The following TRAPPC12 variants were observed in gnomAD, a reference collection of about 807,000 sequenced individuals.
TRAPPC12 encodes the protein trafficking protein particle complex subunit 12.
A neutral mutation model predicts 69.2 loss-of-function variants in TRAPPC12; 61 were observed. The observed-to-expected ratio is 0.88, with a 90% CI of 0.72 to 1.09. The LOEUF (loss-of-function observed/expected upper bound fraction) is 1.09, where lower values mean the gene tolerates loss of function less well. Among genes scored for constraint, TRAPPC12 ranks in the 50% least tolerant of loss-of-function variants. The probability of loss-of-function intolerance (pLI) is 0.00; values close to 1 mark genes in which losing one functional copy is unlikely to be tolerated. For missense variants in TRAPPC12, 1,101 were observed against 1,016.4 expected (o/e 1.08, Z -1.13); for synonymous variants, 469 against 438.9 (o/e 1.07, Z -0.86).
intron 8 of TRAPPC12, among the ~76,000 whole-genome samples, chr2:3,464,720 TC>T (rs147198359): frequency 0.01 from 1,581 of 152,318 alleles, 31 homozygotes; most frequent in East Asian, 0.068. Flanking sequence ...TACCACTGTG[TC>T]CCACGTGACT....
chr2:3,387,096 C>T (rs1660528259), intron 1 of TRAPPC12, among the ~76,000 whole-genome samples: 1 of 152,202 alleles, frequency 6.6e-6, no homozygotes, highest in Non-Finnish European at 1.5e-5. Context: ...ATTGCAGCAG[C>T]ATCCACAATA....
intron 6 of TRAPPC12, chr2:3,454,902 C>A (rs565305656): frequency 6.6e-6 from 1 of 152,548 alleles, no homozygotes; most frequent in African/African-American, 2.4e-5. Context: ...GGAGAGATCG[C>A]CCATGGCATG....
intron 6 of TRAPPC12, among the ~76,000 whole-genome samples, chr2:3,445,791 TC>T (rs1664477995): frequency 6.6e-6 from 1 of 152,252 alleles, no homozygotes; most frequent in Admixed American, 6.5e-5. Context: ...GAGAGTCCTC[TC>T]TTCCACCCTG....
chr2:3,387,337 C>T (rs6721607), intron 1 of TRAPPC12, among the ~76,000 whole-genome samples: 7,961 of 151,648 alleles, frequency 0.052, 723 homozygotes, highest in African/African-American at 0.18. Context: ...ATGCTCTAGG[C>T]GGGGGAGATG....
Position 3,400,044 on chromosome 2 carries a change from T to C in TRAPPC12, c.1048-1733T>C, listed in dbSNP as rs1331485375. Among the ~76,000 whole-genome samples the C allele has an allele frequency of 3.9e-5, 6 of 152,212 alleles. No individual in the cohort carries two copies. The East Asian group carries it at 1.2e-3, about 29-fold the overall frequency. On this transcript the variant is annotated intron_variant, in intron 2 of 11. Transcript: ENST00000324266. Reference sequence around the variant, plus strand: ...TCCACCCCCCATCTTGGGGTTGTCCTAGTTTGAGTCTTTCTTCTGCTCACC... The same window carrying C: ...TCCACCCCCCATCTTGGGGTTGTCCCAGTTTGAGTCTTTCTTCTGCTCACC...
chr2:3,469,878 T>A (rs1053904878), intron 9 of TRAPPC12, among the ~76,000 whole-genome samples: 3 of 152,194 alleles, frequency 2.0e-5, no homozygotes, highest in Admixed American at 1.3e-4. Flanking sequence ...ACATCTGAAG[T>A]CATGTAACAC....
At chr2:3,388,726 TACGCACAG>T (rs1660652797) in intron 2 of TRAPPC12, 56 bp downstream of exon 2, 1 of 1,438,236 alleles carries the variant, frequency 7.0e-7, no homozygotes, top group South Asian at 1.4e-5. Flanking sequence ...GTCTGTGAGA[TACGCACAG>T]TGCCCCTTTA....
intron 3 of TRAPPC12, among the ~76,000 whole-genome samples, chr2:3,403,029 C>A (rs555562380): frequency 6.6e-6 from 1 of 152,130 alleles, no homozygotes; most frequent in African/African-American, 2.4e-5. Context: ...TGTTGAAATG[C>A]GCCCTTATCC....
chr2:3,383,098 C>G (rs1464861002), intron 1 of TRAPPC12, among the ~76,000 whole-genome samples: 1 of 151,848 alleles, frequency 6.6e-6, no homozygotes, highest in Non-Finnish European at 1.5e-5. Flanking sequence ...AAAGGTATAC[C>G]TCTTTCAGCT....
chr2:3,458,819 A>G (rs1665322800), intron 7 of TRAPPC12, among the ~76,000 whole-genome samples: 1 of 152,206 alleles, frequency 6.6e-6, no homozygotes, highest in African/African-American at 2.4e-5. Flanking sequence ...AGCATTTATA[A>G]GGAGGGTAGG....
At chr2:3,406,643 G>C (rs967796554) in intron 3 of TRAPPC12, among the ~76,000 whole-genome samples, 1 of 152,170 alleles carries the variant, frequency 6.6e-6, no homozygotes, top group Non-Finnish European at 1.5e-5. Context: ...GGATCTCCAG[G>C]GTGGCCATTT....
At chr2:3,450,875 T>C (rs1171554359) in intron 6 of TRAPPC12, among the ~76,000 whole-genome samples, 1 of 151,708 alleles carries the variant, frequency 6.6e-6, no homozygotes, top group Non-Finnish European at 1.5e-5. Flanking sequence ...TATCCCGTGC[T>C]CACCCACGAC....
At chr2:3,412,418 C>T (rs867965121) in intron 3 of TRAPPC12, among the ~76,000 whole-genome samples, 7 of 152,156 alleles carry the variant, frequency 4.6e-5, no homozygotes, top group East Asian at 1.9e-4. Flanking sequence ...AAAAATTAGC[C>T]GGGTGTGGTG....
rs767359170 is a variant in TRAPPC12, at chr2:3,388,515, C to G, written c.892C>G (p.Leu298Val). 3.7e-6 allele frequency: 6 copies of G among 1,613,078 alleles called. No homozygotes were observed. In the East Asian group the frequency reaches 6.7e-5, roughly 18 times the overall value. Residue 298 changes from leucine (L) to valine (V), a missense_variant, in exon 2 of 12, where the codon CTG becomes GTG. By Grantham distance (32) the Leu-to-Val change is conservative. Coordinates refer to ENST00000324266, the MANE Select transcript of TRAPPC12 (RefSeq NM_016030.6). ...AGSDDPFATA[L>V]SMSEMDRRND... ...GAGTGACGACCCCTTTGCCACCGCC[C>G]TGAGCATGAGCGAGATGGACCGGAG... is the stretch of plus-strand genomic sequence containing the variant.
chr2:3,386,887 T>C (rs1660517724), intron 1 of TRAPPC12, among the ~76,000 whole-genome samples: 1 of 152,062 alleles, frequency 6.6e-6, no homozygotes, highest in Non-Finnish European at 1.5e-5. Context: ...AAATAACAAG[T>C]GTTGGCAAGG....
Position 3,388,012 on chromosome 2 carries a change from C to T in TRAPPC12, c.389C>T (p.Ala130Val), listed in dbSNP as rs779031449. Residue 130 changes from alanine (A) to valine (V), a missense_variant, in exon 2 of 12, where the codon GCC becomes GTC. Transcript: ENST00000324266. ...PEDAAPSSGG[A>V]PRQDAAREVP... ...GACGCGGCACCCAGTAGCGGAGGGG[C>T]CCCGAGGCAGGACGCGGCCCGCGAG... The T allele has an allele frequency of 6.8e-7, 1 of 1,470,060 alleles. No individual in the cohort carries two copies. Among genetic ancestry groups the T allele is most frequent in the East Asian group, 2.8e-5 (1 of 36,004 alleles). The allele number at this position is 1,470,060 out of a possible 1,614,324, so 91.1% of individuals were successfully genotyped here. A position where few individuals can be genotyped will look rare whatever the true frequency, so the allele number is the denominator to read the frequency against.
intron 2 of TRAPPC12, chr2:3,389,792 G>GCC (rs1214880258): frequency 6.9e-6 from 3 of 435,916 alleles, no homozygotes; most frequent in Admixed American, 2.5e-5. Flanking sequence ...GAGGAGGGCG[G>GCC]ACGAGTTTTA....
At position 3,458,225 on chromosome 2, in the gene TRAPPC12, G is replaced by T. The variant is rs918423841; in HGVS notation, c.1603+532G>T. 26 of 989,414 alleles carry T rather than the reference G, an allele frequency of 2.6e-5. No homozygotes were observed. In the African/African-American group the frequency reaches 4.4e-4, roughly 17 times the overall value. 61.3% of individuals were successfully genotyped at this position (989,414 alleles called of 1,614,324 possible). A position where few individuals can be genotyped will look rare whatever the true frequency, so the allele number is the denominator to read the frequency against. Reference sequence around the variant, plus strand: ...GTTGACATGAGCTGATCTGCACAGTGAGGCCATGCCAGCTGCAGCTCGGGG... The same window carrying T: ...GTTGACATGAGCTGATCTGCACAGTTAGGCCATGCCAGCTGCAGCTCGGGG... On this transcript the variant is annotated intron_variant, in intron 7 of 11. Transcript: ENST00000324266.
intron 7 of TRAPPC12, chr2:3,458,488 TG>T: frequency 1.0e-6 from 1 of 982,180 alleles, no homozygotes; most frequent in Non-Finnish European, 1.2e-6. Context: ...GGGGAACTGC[TG>T]GCTGGTGTGA....
Sources: allele counts gnomAD v4.1 joint callset (sites outside exome capture counted in the v4.1 genomes callset), GRCh38; gene constraint gnomAD v4.1.1; transcripts MANE v1.5; gene names NCBI Gene and HGNC (gene_info 2026-07-23, HGNC 2026-07-21).